The following PDE7B variants were observed in gnomAD, a reference collection of about 807,000 sequenced individuals.
The protein encoded by PDE7B is phosphodiesterase 7B.
In PDE7B, 29 loss-of-function variants were observed where a neutral mutation model predicts 56.2. The observed-to-expected ratio is 0.52, with a 90% confidence interval of 0.38 to 0.70. The LOEUF (loss-of-function observed/expected upper bound fraction) is 0.70, where lower values mean the gene tolerates loss of function less well. PDE7B is among the 30% of genes least tolerant of loss of function. The pLI is 0.00. For missense variants in PDE7B, 490 were observed against 565.0 expected (o/e 0.87, Z 1.35); for synonymous variants, 197 against 196.9 (o/e 1.00, Z 0.00).
chr6:136,086,330 T>G (rs889829032), intron 2 of PDE7B, among the ~76,000 whole-genome samples: 1 of 152,168 alleles, frequency 6.6e-6, no homozygotes, highest in African/African-American at 2.4e-5. Context: ...CAGTATCTAA[T>G]GCTTTTCTTA....
chr6:136,002,214 AAG>A (rs1256216560), intron 2 of PDE7B, among the ~76,000 whole-genome samples: 2 of 152,206 alleles, frequency 1.3e-5, no homozygotes, highest in Admixed American at 1.3e-4. Flanking sequence ...TAAACATGGA[AAG>A]GAACAACTGG....
chr6:135,987,159 C>T (rs1301463769), intron 2 of PDE7B, among the ~76,000 whole-genome samples: 1 of 152,210 alleles, frequency 6.6e-6, no homozygotes, highest in Non-Finnish European at 1.5e-5. Context: ...ACAGGTCTTG[C>T]TGCAGTAGAT....
At chr6:135,928,465 T>TTATTTATATATA (rs1774231909) in intron 1 of PDE7B, among the ~76,000 whole-genome samples, 54 of 75,540 alleles carry the variant, frequency 7.1e-4, no homozygotes, top group Non-Finnish European at 1.1e-3. Context: ...ATATATATAT[T>TTATTTATATATA]TATTTATATA....
chr6:135,885,456 C>T (rs1366767942), intron 1 of PDE7B, among the ~76,000 whole-genome samples: 2 of 152,124 alleles, frequency 1.3e-5, no homozygotes, highest in Non-Finnish European at 2.9e-5. Context: ...TGAAATACCA[C>T]TCTTCCCACA....
At chr6:136,051,411 C>T (rs984458966) in intron 2 of PDE7B, among the ~76,000 whole-genome samples, 1 of 152,204 alleles carries the variant, frequency 6.6e-6, no homozygotes, top group Non-Finnish European at 1.5e-5. Flanking sequence ...AGTCCAAATA[C>T]CCACAGTGCA....
intron 2 of PDE7B, among the ~76,000 whole-genome samples, chr6:136,051,891 A>T (rs1426064552): frequency 1.3e-5 from 2 of 152,006 alleles, no homozygotes; most frequent in East Asian, 3.9e-4. Context: ...TGAGGAATAC[A>T]CTCCCCTTCG....
intron 2 of PDE7B, among the ~76,000 whole-genome samples, chr6:136,067,797 C>G (rs1004092942): frequency 6.6e-6 from 1 of 152,086 alleles, no homozygotes; most frequent in East Asian, 1.9e-4. Context: ...CCTTGTGGAT[C>G]GCTAATTGGA....
At chr6:136,163,202 G>A (rs1778737984) in intron 8 of PDE7B, among the ~76,000 whole-genome samples, 2 of 152,224 alleles carry the variant, frequency 1.3e-5, no homozygotes, top group African/African-American at 4.8e-5. Flanking sequence ...AGAAACTCAT[G>A]CCTGGACATA....
Position 136,187,067 on chromosome 6 carries a change from C to T in PDE7B, c.1077C>T (p.Ile359=), listed in dbSNP as rs1338326528. 1 of 1,590,808 alleles carries T rather than the reference C, an allele frequency of 6.3e-7. No individual in the cohort carries two copies. Among genetic ancestry groups the T allele is most frequent in the Non-Finnish European group, 8.6e-7 (1 of 1,160,188 alleles). The change falls in exon 12 of 13, where the codon ATC becomes ATT. Residue 359 remains isoleucine, a synonymous_variant. Transcript: ENST00000308191. ...GELEQKFELE[I]SPLCNQQKDS... ...TTGAACAGAAATTTGAACTGGAAATCAGTCCTCTTTGTAATCAACAGAAAG... is the reference window on the plus strand; with the variant it reads ...TTGAACAGAAATTTGAACTGGAAATTAGTCCTCTTTGTAATCAACAGAAAG...
chr6:135,873,389 C>T (rs867656128), intron 1 of PDE7B, among the ~76,000 whole-genome samples: 2 of 152,114 alleles, frequency 1.3e-5, no homozygotes, highest in Non-Finnish European at 2.9e-5. Flanking sequence ...CAAATATGCA[C>T]AAAATTTTTT....
chr6:136,032,948 ACT>A, intron 2 of PDE7B, among the ~76,000 whole-genome samples: 1 of 152,322 alleles, frequency 6.6e-6, no homozygotes, highest in South Asian at 2.1e-4. Context: ...AGTTTTTGTA[ACT>A]CTCAGATAAG....
At chr6:136,153,955 C>A in intron 6 of PDE7B, 120 bp from the exon 7 acceptor site, 1 of 657,006 alleles carries the variant, frequency 1.5e-6, no homozygotes, top group Non-Finnish European at 2.7e-6. Context: ...TAAAGCATCT[C>A]TATGCTGCAC....
intron 2 of PDE7B, among the ~76,000 whole-genome samples, chr6:135,995,164 G>A (rs899654015): frequency 2.6e-5 from 4 of 152,146 alleles, no homozygotes; most frequent in East Asian, 3.9e-4. Flanking sequence ...AGGCCTCCAG[G>A]CCCTCTGGCC....
At chr6:136,001,146 G>A (rs1325785913) in intron 2 of PDE7B, among the ~76,000 whole-genome samples, 1 of 152,226 alleles carries the variant, frequency 6.6e-6, no homozygotes, top group East Asian at 1.9e-4. Context: ...GGTCCTGTCT[G>A]TTAGAAGGAA....
At chr6:135,978,242 A>C (rs552240151) in intron 2 of PDE7B, among the ~76,000 whole-genome samples, 28 of 152,328 alleles carry the variant, frequency 1.8e-4, no homozygotes, top group African/African-American at 6.7e-4. Flanking sequence ...TATAGTGGAC[A>C]GAATTTGTGT....
intron 8 of PDE7B, among the ~76,000 whole-genome samples, chr6:136,167,286 G>C (rs1431134403): frequency 1.3e-5 from 2 of 152,022 alleles, no homozygotes; most frequent in Non-Finnish European, 2.9e-5. Flanking sequence ...TTTATTGCCT[G>C]TCTCTCCCCA....
At chr6:135,993,748 C>G (rs1033946364) in intron 2 of PDE7B, among the ~76,000 whole-genome samples, 1 of 152,156 alleles carries the variant, frequency 6.6e-6, no homozygotes, top group Non-Finnish European at 1.5e-5. Flanking sequence ...CCTCAAAATT[C>G]GGGCAGATTA....
chr6:135,940,467 C>T lies in PDE7B; in HGVS notation c.22-6997C>T, dbSNP rs1774489434. On this transcript the variant is annotated intron_variant, in intron 1 of 12. Transcript: ENST00000308191. ...GCACAGAGTAGGCACTCAGTAATGT[C>T]TTGCTGACTGTTCACTTATTCATTC... Among the ~76,000 whole-genome samples, 3 of 152,214 alleles carry T rather than the reference C, an allele frequency of 2.0e-5. 1 individual carries two copies. The South Asian group carries it at 6.2e-4, about 32-fold the overall frequency.
chr6:136,181,405 T>C, intron 11 of PDE7B, 82 bp downstream of exon 11: 1 of 852,644 alleles, frequency 1.2e-6, no homozygotes, highest in Non-Finnish European at 2.0e-6. Flanking sequence ...AAATGGCTGA[T>C]CTATCATGAC....
Sources: allele counts gnomAD v4.1 joint callset (sites outside exome capture counted in the v4.1 genomes callset), GRCh38; gene constraint gnomAD v4.1.1; transcripts MANE v1.5; gene names NCBI Gene and HGNC (gene_info 2026-07-23, HGNC 2026-07-21).